Variants in RAPGEF4 observed in about 807,000 individuals in gnomAD.
RAPGEF4 encodes Rap guanine nucleotide exchange factor 4.
RAPGEF4 carries 66 observed loss-of-function variants against 147.9 expected under a neutral mutation model. The observed-to-expected ratio is 0.45, with a 90% CI of 0.37 to 0.55. The LOEUF is 0.55. Among genes scored for constraint, RAPGEF4 ranks in the 20% least tolerant of loss-of-function variants. The pLI, the probability that RAPGEF4 is intolerant of heterozygous loss-of-function variation, is 0.00. For synonymous variants in RAPGEF4, 419 were observed against 442.7 expected (o/e 0.95, Z 0.67); for missense variants, 1,071 against 1,257.3 (o/e 0.85, Z 2.24).
chr2:172,902,242 CA>C (rs2149964464), intron 4 of RAPGEF4, among the ~76,000 whole-genome samples: 1 of 152,238 alleles, frequency 6.6e-6, no homozygotes, highest in East Asian at 1.9e-4. Context: ...GTCTTGTTAA[CA>C]GCAGTGGAGA....
At chr2:172,790,813 G>T (rs1685739489) in intron 1 of RAPGEF4, among the ~76,000 whole-genome samples, 1 of 152,214 alleles carries the variant, frequency 6.6e-6, no homozygotes, top group Non-Finnish European at 1.5e-5. Flanking sequence ...TTAATGGAGG[G>T]ATGAATTTGA....
chr2:172,988,308 G>A lies in RAPGEF4; in HGVS notation c.1227+36G>A, dbSNP rs767929758. ...CTTTTTCTTTTTGAAACTTTATTAC[G>A]CTCCACTTACTAGTGTGGCTCTAAG... On this transcript the variant is annotated intron_variant, in intron 13 of 30. Coordinates refer to ENST00000397081, the MANE Select transcript of RAPGEF4 (RefSeq NM_007023.4). The A allele has an allele frequency of 1.4e-5, 22 of 1,582,252 alleles. No homozygotes were observed. In the South Asian group the frequency reaches 1.4e-4, roughly 10 times the overall value.
intron 1 of RAPGEF4, among the ~76,000 whole-genome samples, chr2:172,742,600 G>A (rs1049266969): frequency 6.6e-6 from 1 of 152,144 alleles, no homozygotes; most frequent in Non-Finnish European, 1.5e-5. Context: ...TTTAATGCTT[G>A]GGAATTATCT....
chr2:172,935,757 T>C (rs1686497745), intron 6 of RAPGEF4, among the ~76,000 whole-genome samples: 1 of 152,226 alleles, frequency 6.6e-6, no homozygotes, highest in East Asian at 1.9e-4. Context: ...TCTTAACATA[T>C]ATGATGTGGA....
intron 15 of RAPGEF4, among the ~76,000 whole-genome samples, chr2:172,992,006 C>T (rs1368626145): frequency 2.6e-5 from 4 of 152,140 alleles, no homozygotes; most frequent in African/African-American, 9.7e-5. Context: ...AGTTACTTGC[C>T]CAAGGTCTCA....
intron 29 of RAPGEF4, among the ~76,000 whole-genome samples, chr2:173,041,809 GCTGTTAC>G (rs1163735285): frequency 6.6e-6 from 1 of 152,126 alleles, no homozygotes; most frequent in Non-Finnish European, 1.5e-5. Flanking sequence ...TTTTGTACTA[GCTGTTAC>G]CTTTGCCTGA....
chr2:172,919,336 A>T (rs1162253742), intron 5 of RAPGEF4, among the ~76,000 whole-genome samples: 1 of 152,096 alleles, frequency 6.6e-6, no homozygotes, highest in Non-Finnish European at 1.5e-5. Context: ...GACCCCTCAA[A>T]GTCTGGATTT....
At chr2:172,820,441 A>C (rs892544191) in intron 4 of RAPGEF4, among the ~76,000 whole-genome samples, 2 of 152,216 alleles carry the variant, frequency 1.3e-5, no homozygotes, top group Non-Finnish European at 2.9e-5. Context: ...CAATGTTTTC[A>C]ATTTGTAGTC....
intron 12 of RAPGEF4, among the ~76,000 whole-genome samples, chr2:172,985,720 G>A (rs1243841630): frequency 6.6e-6 from 1 of 152,114 alleles, no homozygotes; most frequent in Non-Finnish European, 1.5e-5. Flanking sequence ...TGTTGTGGGT[G>A]CCAGCCTGAG....
At chr2:172,798,025 C>G (rs146487727) in intron 3 of RAPGEF4, among the ~76,000 whole-genome samples, 4 of 152,254 alleles carry the variant, frequency 2.6e-5, no homozygotes, top group Non-Finnish European at 4.4e-5. Context: ...GAAGTGATCC[C>G]CTCATCGGCC....
intron 4 of RAPGEF4, among the ~76,000 whole-genome samples, chr2:172,839,054 C>G (rs2149696403): frequency 6.7e-6 from 1 of 149,674 alleles, no homozygotes; most frequent in African/African-American, 2.5e-5. Flanking sequence ...CCTAAAAGAT[C>G]AGCAACACAC....
At chr2:172,735,622 G>T (rs1693675168), upstream of RAPGEF4, among the ~76,000 whole-genome samples, 1 of 151,994 alleles carries the variant, frequency 6.6e-6, no homozygotes, top group Non-Finnish European at 1.5e-5. Flanking sequence ...GAGGGACGCA[G>T]CGGACACCTG....
chr2:172,761,103 C>CTTTTTTTTTTTTTAATTTTTTTTTTT (rs1696278612), intron 1 of RAPGEF4, among the ~76,000 whole-genome samples: 1 of 139,574 alleles, frequency 7.2e-6, no homozygotes, highest in Non-Finnish European at 1.5e-5. Context: ...ATTTTTCTTT[C>CTTTTTTTTTTTTTAATTTTTTTTTTT]TTTTTTTTTT....
chr2:173,010,136 T>G (rs1173797994), intron 17 of RAPGEF4, among the ~76,000 whole-genome samples: 2 of 152,196 alleles, frequency 1.3e-5, no homozygotes, highest in Non-Finnish European at 2.9e-5. Flanking sequence ...TTGAAGGAAA[T>G]GTAATCAAAG....
At chr2:172,860,983 A>G (rs1000192354) in intron 4 of RAPGEF4, among the ~76,000 whole-genome samples, 6 of 152,250 alleles carry the variant, frequency 3.9e-5, no homozygotes, top group African/African-American at 7.2e-5. Context: ...ATTGATTGCT[A>G]GTCTGAATTG....
At chr2:172,918,034 G>T in intron 5 of RAPGEF4, 160 bp downstream of exon 5, 1 of 768,620 alleles carries the variant, frequency 1.3e-6, no homozygotes, top group Non-Finnish European at 2.4e-6. Flanking sequence ...TATTTTTAAA[G>T]AAATGGTTAA....
intron 4 of RAPGEF4, among the ~76,000 whole-genome samples, chr2:172,817,671 A>G (rs1688639042): frequency 6.6e-6 from 1 of 152,100 alleles, no homozygotes; most frequent in Non-Finnish European, 1.5e-5. Flanking sequence ...ACTATGGAAA[A>G]CAGTGTGGAG....
At chr2:173,051,239 T>C (rs112777545) in intron 30 of RAPGEF4, among the ~76,000 whole-genome samples, 9 of 152,342 alleles carry the variant, frequency 5.9e-5, no homozygotes, top group African/African-American at 1.9e-4. Flanking sequence ...GAGGGGCTAA[T>C]AAAAACTGTC....
Position 172,929,899 on chromosome 2 carries a change from C to T in RAPGEF4, c.537+7599C>T, listed in dbSNP as rs140621617. 9.9e-4 allele frequency among the ~76,000 whole-genome samples: 151 copies of T among 152,320 alleles called. 1 individual carries two copies. The highest frequency in any genetic ancestry group is 3.4e-3 in the African/African-American group (140 of 41,564). The stretch of plus-strand genomic sequence containing the variant: ...CTAACATGGGAACATGAACAAGTTA[C>T]TTAACTGCCTTACTCATTTGTTTCC... On this transcript the variant is annotated intron_variant, in intron 6 of 30. Coordinates refer to ENST00000397081, the MANE Select transcript of RAPGEF4 (RefSeq NM_007023.4).
Sources: allele counts gnomAD v4.1 joint callset (sites outside exome capture counted in the v4.1 genomes callset), GRCh38; gene constraint gnomAD v4.1.1; transcripts MANE v1.5; gene names NCBI Gene and HGNC (gene_info 2026-07-23, HGNC 2026-07-21).